The following MYO16 variants were observed in gnomAD, a reference collection of about 807,000 sequenced individuals.
MYO16 encodes myosin XVI, also known as unconventional myosin-XVI.
A neutral mutation model predicts 205.3 loss-of-function variants in MYO16; 94 were observed. The ratio of observed to expected loss-of-function variants is 0.46; its 90% CI spans 0.39 to 0.54. MYO16 has a LOEUF of 0.54. Ranked by LOEUF, MYO16 falls within the 20% of genes least tolerant of loss-of-function variation. The pLI is 0.00. For synonymous variants in MYO16, 988 were observed against 954.0 expected, an observed-to-expected ratio of 1.04 and a Z score of -0.66; for missense variants, 2,315 against 2,387.5, an observed-to-expected ratio of 0.97 and a Z score of 0.63.
intron 13 of MYO16, chr13:108,886,450 C>T (rs571649991): frequency 8.8e-6 from 4 of 456,086 alleles, no homozygotes; most frequent in Non-Finnish European, 1.8e-5. Flanking sequence ...ATGAGGCGTG[C>T]GGACACGAGA....
intron 20 of MYO16, among the ~76,000 whole-genome samples, chr13:108,977,875 A>G (rs930695758): frequency 4.6e-5 from 7 of 152,252 alleles, no homozygotes; most frequent in South Asian, 2.1e-4. Flanking sequence ...CCATAAAACA[A>G]TTCTTCTGGG....
chr13:108,680,853 T>G (rs1318136634), intron 2 of MYO16, among the ~76,000 whole-genome samples: 2 of 152,156 alleles, frequency 1.3e-5, no homozygotes, highest in Non-Finnish European at 2.9e-5. Flanking sequence ...ACAATGGTGT[T>G]GTAGCTTATA....
the MYO16 span, among the ~76,000 whole-genome samples, chr13:108,519,634 C>CAT: frequency 1.3e-4 from 19 of 148,570 alleles, no homozygotes; most frequent in Non-Finnish European, 2.8e-4. Context: ...AATACACACA[C>CAT]ACACACACAC....
chr13:109,045,953 G>A (rs1044286258), intron 23 of MYO16, among the ~76,000 whole-genome samples: 9 of 151,650 alleles, frequency 5.9e-5, no homozygotes, highest in African/African-American at 2.4e-5. Context: ...ACTCCCGCAT[G>A]GCCGAGGCAC....
intron 23 of MYO16, among the ~76,000 whole-genome samples, chr13:109,038,206 G>A (rs2139572416): frequency 6.6e-6 from 1 of 152,224 alleles, no homozygotes; most frequent in Middle Eastern, 3.4e-3. Flanking sequence ...CGGTTTCACT[G>A]GGCCATGGGA....
intron 9 of MYO16, among the ~76,000 whole-genome samples, chr13:108,836,764 G>A (rs1432435917): frequency 6.6e-6 from 1 of 152,142 alleles, no homozygotes; most frequent in African/African-American, 2.4e-5. Context: ...CTTGCATGGG[G>A]CCTGTACCCC....
At chr13:108,607,120 G>C (rs898713523) in intron 1 of MYO16, among the ~76,000 whole-genome samples, 2 of 152,132 alleles carry the variant, frequency 1.3e-5, no homozygotes, top group African/African-American at 4.8e-5. Flanking sequence ...CTTGCTTTTG[G>C]TTTTACAGGC....
the MYO16 span, among the ~76,000 whole-genome samples, chr13:108,524,769 G>A: frequency 6.6e-6 from 1 of 152,030 alleles, no homozygotes; most frequent in African/African-American, 2.4e-5. Context: ...GTGATGACAG[G>A]GGTAATGACA....
intron 20 of MYO16, among the ~76,000 whole-genome samples, chr13:108,984,771 A>G (rs576762602): frequency 8.3e-4 from 126 of 152,282 alleles, no homozygotes; most frequent in Non-Finnish European, 1.7e-3. Flanking sequence ...AAACCAACAC[A>G]TAAACTTCAA....
At chr13:108,624,029 A>T (rs1033651563) in intron 1 of MYO16, among the ~76,000 whole-genome samples, 3 of 152,210 alleles carry the variant, frequency 2.0e-5, no homozygotes, top group African/African-American at 7.2e-5. Context: ...ACTTAGTGTG[A>T]TTAAATTGTA....
intron 10 of MYO16, among the ~76,000 whole-genome samples, chr13:108,854,376 A>G (rs139159042): frequency 1.3e-3 from 203 of 152,258 alleles, no homozygotes; most frequent in African/African-American, 4.5e-3. Context: ...GAAAGATTTT[A>G]CTTTGCGAAA....
intron 4 of MYO16, among the ~76,000 whole-genome samples, chr13:108,756,274 A>G (rs2139647380): frequency 6.6e-6 from 1 of 152,248 alleles, no homozygotes; most frequent in Non-Finnish European, 1.5e-5. Context: ...GATGTACTTT[A>G]TGAAGTTTCT....
At chr13:108,527,594 C>T in the MYO16 span, among the ~76,000 whole-genome samples, 1 of 152,110 alleles carries the variant, frequency 6.6e-6, no homozygotes, top group African/African-American at 2.4e-5. Context: ...TGCAAGGATT[C>T]CTGTAGCTGC....
chr13:109,053,242 T>A (rs1887307281), intron 25 of MYO16, among the ~76,000 whole-genome samples: 1 of 152,084 alleles, frequency 6.6e-6, no homozygotes, highest in African/African-American at 2.4e-5. Context: ...ACATTTTAAC[T>A]TACCAATTAA....
intron 4 of MYO16, among the ~76,000 whole-genome samples, chr13:108,775,205 A>G (rs1886086907): frequency 6.6e-6 from 1 of 152,182 alleles, no homozygotes. Flanking sequence ...CCATTTACTC[A>G]AGGAATCAAT....
chr13:109,131,342 T>C (rs935097968), intron 31 of MYO16, among the ~76,000 whole-genome samples: 5 of 152,212 alleles, frequency 3.3e-5, no homozygotes, highest in African/African-American at 1.2e-4. Context: ...TTGTATTTAT[T>C]CTTGTTCTTA....
In MYO16 at chr13:109,074,556, C is replaced by G. The variant is rs1269253091; in HGVS notation, c.3335+18961C>G. ...TTGTGAGAACTCTCTATCACGAGAA[C>G]AGCATGGGGGAACATCCACACTTAC... On this transcript the variant is annotated intron_variant, in intron 27 of 34. Transcript: ENST00000457511. Among the ~76,000 whole-genome samples, 6 of 152,120 alleles carry G rather than the reference C, an allele frequency of 3.9e-5. No individual in the cohort carries two copies. In the East Asian group the frequency reaches 5.8e-4, roughly 15 times the overall value.
intron 23 of MYO16, among the ~76,000 whole-genome samples, chr13:109,042,532 G>A (rs972608331): frequency 6.6e-6 from 1 of 152,192 alleles, no homozygotes; most frequent in Non-Finnish European, 1.5e-5. Context: ...ACAAAACACT[G>A]TTTGCAACCA....
At chr13:108,578,656 A>T in the MYO16 span, among the ~76,000 whole-genome samples, 2 of 152,186 alleles carry the variant, frequency 1.3e-5, no homozygotes, top group African/African-American at 4.8e-5. Context: ...TCTGGCTGGA[A>T]AAACAACCTG....
Sources: allele counts gnomAD v4.1 joint callset (sites outside exome capture counted in the v4.1 genomes callset), GRCh38; gene constraint gnomAD v4.1.1; transcripts MANE v1.5; gene names NCBI Gene and HGNC (gene_info 2026-07-23, HGNC 2026-07-21).